The following DLGAP2 variants were observed in gnomAD, a reference collection of about 807,000 sequenced individuals.
The protein encoded by DLGAP2 is disks large-associated protein 2.
A neutral mutation model predicts 100.3 loss-of-function variants in DLGAP2; 26 were observed. That is an observed-to-expected ratio of 0.26 (90% CI 0.19 to 0.36). The LOEUF (loss-of-function observed/expected upper bound fraction) is 0.36. Among genes scored for constraint, DLGAP2 ranks in the 10% least tolerant of loss-of-function variants. The pLI, the probability that DLGAP2 is intolerant of heterozygous loss-of-function variation, is 1.00. For synonymous variants in DLGAP2, 886 were observed against 630.1 expected (o/e 1.41, Z -6.08); for missense variants, 1,858 against 1,453.2 (o/e 1.28, Z -4.53).
intron 2 of DLGAP2, among the ~76,000 whole-genome samples, chr8:987,929 G>T (rs771621078): frequency 6.6e-6 from 1 of 152,146 alleles, no homozygotes; most frequent in Middle Eastern, 3.4e-3. Context: ...AATATTCTCC[G>T]TATGTATTAA....
intron 1 of DLGAP2, among the ~76,000 whole-genome samples, chr8:810,764 G>T (rs1294455894): frequency 6.6e-6 from 1 of 152,192 alleles, no homozygotes. Context: ...ATCTTATCCT[G>T]TGGCTGTTTT....
intron 1 of DLGAP2, among the ~76,000 whole-genome samples, chr8:856,171 A>ATCTTCCTCTTCT (rs1797272160): frequency 7.9e-6 from 1 of 126,578 alleles, no homozygotes; most frequent in South Asian, 2.9e-4. Context: ...TAGTGGAAAA[A>ATCTTCCTCTTCT]TCTTCTTCTT....
chr8:1,136,544 C>G (rs189271736), intron 2 of DLGAP2, among the ~76,000 whole-genome samples: 16 of 152,310 alleles, frequency 1.1e-4, no homozygotes, highest in East Asian at 5.8e-4. Flanking sequence ...TGGCTAGCAC[C>G]AAGTACGGTG....
chr8:1,304,339 C>G (rs866319463), intron 3 of DLGAP2, among the ~76,000 whole-genome samples: 3 of 152,210 alleles, frequency 2.0e-5, no homozygotes, highest in Non-Finnish European at 4.4e-5. Context: ...ACACAGATGT[C>G]TCACTCCGGA....
chr8:1,038,247 G>A (rs925163394), intron 2 of DLGAP2, among the ~76,000 whole-genome samples: 1 of 152,190 alleles, frequency 6.6e-6, no homozygotes, highest in African/African-American at 2.4e-5. Flanking sequence ...CCTCTGGTTG[G>A]AAGAGTTACA....
chr8:1,415,709 C>A (rs1020120278), intron 3 of DLGAP2, among the ~76,000 whole-genome samples: 3 of 152,176 alleles, frequency 2.0e-5, no homozygotes, highest in Admixed American at 2.0e-4. Flanking sequence ...ATCTCATCCA[C>A]CTTTGATGGG....
At chr8:872,215 T>A (rs570945655) in intron 1 of DLGAP2, among the ~76,000 whole-genome samples, 1 of 152,152 alleles carries the variant, frequency 6.6e-6, no homozygotes, top group African/African-American at 2.4e-5. Context: ...TAAATTATAT[T>A]TTTTTATTAT....
intron 3 of DLGAP2, among the ~76,000 whole-genome samples, chr8:1,348,511 G>GCT: frequency 6.8e-6 from 1 of 146,298 alleles, no homozygotes; most frequent in East Asian, 2.1e-4. Context: ...TTGCACTCAT[G>GCT]ATAGCTGTTT....
At chr8:1,622,147 G>A (rs746283625) in intron 6 of DLGAP2, 1 of 152,212 alleles carries the variant, frequency 6.6e-6, no homozygotes, top group Non-Finnish European at 1.5e-5. Context: ...GTGTGCACAC[G>A]AATGTCTGTT....
intron 2 of DLGAP2, among the ~76,000 whole-genome samples, chr8:1,194,072 A>T (rs1233651319): frequency 6.6e-6 from 1 of 152,130 alleles, no homozygotes; most frequent in Non-Finnish European, 1.5e-5. Flanking sequence ...ACAGGTGTGA[A>T]CTGGGATGCC....
At chr8:1,533,720 C>G (rs966498303) in intron 4 of DLGAP2, among the ~76,000 whole-genome samples, 1 of 152,094 alleles carries the variant, frequency 6.6e-6, no homozygotes. Flanking sequence ...AGTTGATAAA[C>G]TGAGAAGGTC....
At chr8:780,337 A>T (rs1248979619) in intron 1 of DLGAP2, among the ~76,000 whole-genome samples, 2 of 152,210 alleles carry the variant, frequency 1.3e-5, no homozygotes, top group Non-Finnish European at 2.9e-5. Context: ...TTTCTTTTAA[A>T]GCCAACTGGC....
At chr8:1,241,609 A>C (rs759932771) in intron 2 of DLGAP2, among the ~76,000 whole-genome samples, 3 of 151,570 alleles carry the variant, frequency 2.0e-5, no homozygotes, top group Non-Finnish European at 4.4e-5. Context: ...GAGACTTTTC[A>C]CTCCACACTG....
chr8:1,263,771 G>T (rs146473272), intron 3 of DLGAP2, among the ~76,000 whole-genome samples: 14 of 152,280 alleles, frequency 9.2e-5, no homozygotes, highest in African/African-American at 3.4e-4. Flanking sequence ...TCTGCTCTCT[G>T]TGGAGAGGGA....
chr8:778,084 A>T (rs1821577059), intron 1 of DLGAP2, among the ~76,000 whole-genome samples: 1 of 151,324 alleles, frequency 6.6e-6, no homozygotes, highest in Admixed American at 6.6e-5. Flanking sequence ...TTCTCGTTTC[A>T]TTTCTTTCAT....
chr8:1,252,782 C>T (rs1025413056), intron 2 of DLGAP2, among the ~76,000 whole-genome samples: 1 of 152,240 alleles, frequency 6.6e-6, no homozygotes, highest in South Asian at 2.1e-4. Flanking sequence ...TGTGGTGCCT[C>T]CAGGTGGCTG....
chr8:1,588,989 C>T (rs1018246805), intron 6 of DLGAP2, among the ~76,000 whole-genome samples: 6 of 152,036 alleles, frequency 3.9e-5, no homozygotes, highest in African/African-American at 1.2e-4. Context: ...GTAAAACACA[C>T]CTTCACATTC....
chr8:1,646,069 C>G (rs1426851645), intron 8 of DLGAP2, among the ~76,000 whole-genome samples: 1 of 152,152 alleles, frequency 6.6e-6, no homozygotes, highest in Admixed American at 6.5e-5. Flanking sequence ...GCCCAGATAT[C>G]TGGTTAAACA....
chr8:1,028,607 G>C (rs1801885950), intron 2 of DLGAP2, among the ~76,000 whole-genome samples: 1 of 152,234 alleles, frequency 6.6e-6, no homozygotes, highest in African/African-American at 2.4e-5. Flanking sequence ...CAGTGGATGT[G>C]GTATCAGACA....
Sources: allele counts gnomAD v4.1 joint callset (sites outside exome capture counted in the v4.1 genomes callset), GRCh38; gene constraint gnomAD v4.1.1; transcripts MANE v1.5; gene names NCBI Gene and HGNC (gene_info 2026-07-23, HGNC 2026-07-21).